The following TLR2 variants were observed in gnomAD, a reference collection of about 807,000 sequenced individuals.
TLR2 encodes the protein toll like receptor 2.
TLR2 carries 7 observed loss-of-function variants against 9.1 expected under a neutral mutation model. That is an observed-to-expected ratio of 0.77 (90% CI 0.44 to 1.44). The LOEUF (loss-of-function observed/expected upper bound fraction) is 1.44. TLR2 is among the 40% of genes most tolerant of loss of function. The pLI is 0.01. For synonymous variants in TLR2, 317 were observed against 344.6 expected, an observed-to-expected ratio of 0.92 and a Z score of 0.89; for missense variants, 812 against 904.6, an observed-to-expected ratio of 0.90 and a Z score of 1.31.
rs755941622 is a variant in TLR2 at position 153,705,304 on chromosome 4, T to C, written c.*42T>C. The C allele has an allele frequency of 2.0e-6, 3 of 1,503,836 alleles. No homozygotes were observed. Among genetic ancestry groups the C allele is most frequent in the African/African-American group, 1.4e-5 (1 of 71,362 alleles). The allele number at this position is 1,503,836 out of a possible 1,614,324, so 93.2% of individuals were successfully genotyped here. Reference sequence around the variant, plus strand: ...CCAGTCTTTGTCTAGTTGGGATCTTTATGTCACTAGTTATAGTTAAGTTCA... The same window carrying C: ...CCAGTCTTTGTCTAGTTGGGATCTTCATGTCACTAGTTATAGTTAAGTTCA... On this transcript the variant is annotated 3_prime_UTR_variant, in exon 3 of 3. Coordinates refer to ENST00000642700, the MANE Select transcript of TLR2 (RefSeq NM_001318789.2).
intron 2 of TLR2, among the ~76,000 whole-genome samples, chr4:153,696,646 C>G (rs1025108907): frequency 6.6e-6 from 1 of 152,106 alleles, no homozygotes; most frequent in Non-Finnish European, 1.5e-5. Context: ...AAAATTATAC[C>G]ATGAGAAGGC....
rs3840097 is a variant in TLR2 at position 153,703,413 on chromosome 4, AT to A, written c.510del (p.Phe170LeufsTer25). On this transcript the variant is annotated frameshift_variant, in exon 3 of 3. Coordinates refer to ENST00000642700, the MANE Select transcript of TLR2 (RefSeq NM_001318789.2). LOFTEE classifies it low-confidence loss of function (END_TRUNC). Reference protein sequence around the residue: ...MDTFTKIQRKDFAGLTFLEEL... With the variant: ...MDTFTKIQRKXFAGLTFLEEL... ...ACCTTCACTAAGATTCAAAGAAAAG[AT>A]TTTGCTGGACTTACCTTCCTTGAGG... 2 of 1,614,096 alleles carry A rather than the reference AT, an allele frequency of 1.2e-6. No homozygotes were observed. The highest frequency in any genetic ancestry group is 4.5e-5 in the East Asian group (2 of 44,864).
Position 153,703,398 on chromosome 4 carries a change from A to T in TLR2, c.491A>T (p.Lys164Met). Residue 164 changes from lysine (K) to methionine (M), a missense_variant, in exon 3 of 3, where the codon AAG (lysine) becomes ATG (methionine). By Grantham distance (95) the Lys-to-Met change is moderately conservative (BLOSUM62 -1). Coordinates refer to ENST00000642700, the MANE Select transcript of TLR2 (RefSeq NM_001318789.2). The stretch of plus-strand genomic sequence containing the variant: ...GTGGGAAATATGGACACCTTCACTA[A>T]GATTCAAAGAAAAGATTTTGCTGGA... ...LRVGNMDTFT[K>M]IQRKDFAGLT... 5.6e-6 allele frequency: 9 copies of T among 1,614,022 alleles called. No homozygotes were observed. The highest frequency in any genetic ancestry group is 7.6e-6 in the Non-Finnish European group (9 of 1,180,032).
At chr4:153,693,660 C>A (rs918627802) in intron 2 of TLR2, among the ~76,000 whole-genome samples, 4 of 152,190 alleles carry the variant, frequency 2.6e-5, no homozygotes, top group South Asian at 2.1e-4. Context: ...AGCTGGCAAA[C>A]AAACCTGCTC....
intron 2 of TLR2, among the ~76,000 whole-genome samples, chr4:153,691,666 T>G (rs2127023958): frequency 6.6e-6 from 1 of 152,264 alleles, no homozygotes; most frequent in East Asian, 1.9e-4. Flanking sequence ...GAGACTAGGA[T>G]CTCCTCTAAG....
At chr4:153,693,702 C>T (rs1247283704) in intron 2 of TLR2, among the ~76,000 whole-genome samples, 1 of 152,354 alleles carries the variant, frequency 6.6e-6, no homozygotes, top group African/African-American at 2.4e-5. Context: ...ATTATACTTT[C>T]CTTCCTCCTC....
chr4:153,703,231 C>T lies in TLR2; in HGVS notation c.324C>T (p.Ser108=), dbSNP rs758334601. 1 of 1,614,050 alleles carries T rather than the reference C, an allele frequency of 6.2e-7. No homozygotes were observed. ...SLGSLEHLDL[S]YNYLSNLSSS... ...GCAGTCTTGAACATTTAGACTTATC[C>T]TATAATTACTTATCTAATTTATCGT... The change falls in exon 3 of 3, where the codon TCC becomes TCT. Residue 108 remains serine, a synonymous_variant. Coordinates refer to ENST00000642700, the MANE Select transcript of TLR2 (RefSeq NM_001318789.2).
intron 2 of TLR2, among the ~76,000 whole-genome samples, chr4:153,699,175 G>T (rs1031689797): frequency 6.6e-6 from 1 of 152,106 alleles, no homozygotes; most frequent in African/African-American, 2.4e-5. Flanking sequence ...GTGTCCCACA[G>T]GGAACTGTCT....
chr4:153,690,633 A>G (rs1282823346), intron 2 of TLR2, among the ~76,000 whole-genome samples: 3 of 152,214 alleles, frequency 2.0e-5, no homozygotes, highest in Non-Finnish European at 2.9e-5. Flanking sequence ...TTAGGTTCCA[A>G]TCCTCGAGGA....
At chr4:153,697,840 A>G (rs1736610711) in intron 2 of TLR2, among the ~76,000 whole-genome samples, 1 of 152,180 alleles carries the variant, frequency 6.6e-6, no homozygotes, top group African/African-American at 2.4e-5. Flanking sequence ...AAATTATATG[A>G]AATTCTTAGA....
chr4:153,694,611 A>G (rs193089880), intron 2 of TLR2, among the ~76,000 whole-genome samples: 3 of 152,352 alleles, frequency 2.0e-5, no homozygotes, highest in East Asian at 3.9e-4. Context: ...CAGGCATACA[A>G]TGGATAATAA....
chr4:153,703,967 T>C lies in TLR2; in HGVS notation c.1060T>C (p.Leu354=). The stretch of plus-strand genomic sequence containing the variant: ...CAGTAAAGTTTTTCTGGTTCCTTGT[T>C]TACTTTCACAACATTTAAAATCATT... ...ENSKVFLVPC[L]LSQHLKSLEY... The change falls in exon 3 of 3, where the codon TTA becomes CTA. Residue 354 remains leucine, a synonymous_variant. Coordinates refer to ENST00000642700, the MANE Select transcript of TLR2 (RefSeq NM_001318789.2). 1 of 1,611,782 alleles carries C rather than the reference T, an allele frequency of 6.2e-7. No individual in the cohort carries two copies. The highest frequency in any genetic ancestry group is 8.5e-7 in the Non-Finnish European group (1 of 1,179,488).
chr4:153,703,638 C>A lies in TLR2; in HGVS notation c.731C>A (p.Thr244Asn). ...ACTTTCCATTTTTCAGAACTATCCA[C>A]TGGTGAAACAAATTCATTGATTAAA... is the stretch of plus-strand genomic sequence containing the variant. ...LDTFHFSELS[T>N]GETNSLIKKF... Residue 244 changes from threonine (T) to asparagine (N), a missense_variant, in exon 3 of 3, where the codon ACT (threonine) becomes AAT (asparagine). Thr to Asn is a moderately conservative substitution (Grantham distance 65, BLOSUM62 0). Coordinates refer to ENST00000642700, the MANE Select transcript of TLR2 (RefSeq NM_001318789.2). 6.2e-7 allele frequency: 1 copy of A among 1,613,422 alleles called. No individual in the cohort carries two copies. Among genetic ancestry groups the A allele is most frequent in the East Asian group, 2.2e-5 (1 of 44,864 alleles).
chr4:153,705,069 A>C lies in TLR2; in HGVS notation c.2162A>C (p.His721Pro). The stretch of plus-strand genomic sequence containing the variant: ...TGCAAGTATGAACTGGACTTCTCCC[A>C]TTTCCGTCTTTTTGATGAGAACAAT... ...EWCKYELDFS[H>P]FRLFDENNDA... Residue 721 changes from histidine (H) to proline (P), a missense_variant, in exon 3 of 3, where the codon CAT becomes CCT. Physicochemically the swap from His to Pro is moderately conservative, Grantham distance 77. Transcript: ENST00000642700. The C allele has an allele frequency of 6.2e-7, 1 of 1,614,040 alleles. No homozygotes were observed. Among genetic ancestry groups the C allele is most frequent in the East Asian group, 2.2e-5 (1 of 44,860 alleles).
chr4:153,706,907 T>G (rs189644696), downstream of TLR2, among the ~76,000 whole-genome samples: 200 of 152,326 alleles, frequency 1.3e-3, no homozygotes, highest in Non-Finnish European at 2.1e-3. Context: ...ACCATGAGCC[T>G]AAGCTCCTTG....
At chr4:153,697,844 T>A (rs889156304) in intron 2 of TLR2, among the ~76,000 whole-genome samples, 4 of 152,168 alleles carry the variant, frequency 2.6e-5, no homozygotes, top group African/African-American at 9.6e-5. Flanking sequence ...TATATGAAAT[T>A]CTTAGAAACC....
intron 2 of TLR2, among the ~76,000 whole-genome samples, chr4:153,696,683 A>G (rs1578985584): frequency 6.6e-6 from 1 of 152,212 alleles, no homozygotes; most frequent in South Asian, 2.1e-4. Flanking sequence ...TACAGTTCAT[A>G]GATATGTCAA....
chr4:153,686,589 G>GA (rs371660929), intron 1 of TLR2, among the ~76,000 whole-genome samples: 2 of 152,002 alleles, frequency 1.3e-5, no homozygotes, highest in African/African-American at 4.8e-5. Context: ...ATAGAATTAG[G>GA]AAAAAAATCA....
intron 2 of TLR2, among the ~76,000 whole-genome samples, chr4:153,691,397 G>A (rs764810881): frequency 3.3e-5 from 5 of 152,062 alleles, no homozygotes; most frequent in South Asian, 2.1e-4. Context: ...TTAACAATCC[G>A]AATTCTCCCA....
Sources: allele counts gnomAD v4.1 joint callset (sites outside exome capture counted in the v4.1 genomes callset), GRCh38; gene constraint gnomAD v4.1.1; transcripts MANE v1.5; gene names NCBI Gene and HGNC (gene_info 2026-07-23, HGNC 2026-07-21).